KBTBD3: variants seen among roughly 807,000 people sequenced by gnomAD.
The protein encoded by KBTBD3 is kelch repeat and BTB domain-containing protein 3.
Under a neutral mutation model 49.6 loss-of-function variants are expected in KBTBD3, and 38 were observed. The ratio of observed to expected loss-of-function variants is 0.77; its 90% confidence interval spans 0.59 to 1.00. The LOEUF (loss-of-function observed/expected upper bound fraction) is 1.00, where lower values mean the gene tolerates loss of function less well. Among genes scored for constraint, KBTBD3 ranks in the 50% least tolerant of loss-of-function variants. KBTBD3 has a pLI of 0.00. For missense variants in KBTBD3, 661 were observed against 712.0 expected, an observed-to-expected ratio of 0.93 and a Z score of 0.81; for synonymous variants, 214 against 250.4, an observed-to-expected ratio of 0.85 and a Z score of 1.37.
At chr11:106,058,028 T>C (rs991190488) in intron 3 of KBTBD3, 1 of 398,438 alleles carries the variant, frequency 2.5e-6, no homozygotes, top group Non-Finnish European at 4.4e-6. Context: ...CCAGAGAACT[T>C]TGGGAAATGC....
intron 2 of KBTBD3, among the ~76,000 whole-genome samples, chr11:106,069,835 G>C (rs569600092): frequency 6.6e-6 from 1 of 151,836 alleles, no homozygotes; most frequent in African/African-American, 2.4e-5. Flanking sequence ...AATGAGGGAA[G>C]TATCAGTCTA....
chr11:106,066,896 TGAA>T (rs1192079183), intron 2 of KBTBD3, among the ~76,000 whole-genome samples: 1 of 151,972 alleles, frequency 6.6e-6, no homozygotes, highest in Non-Finnish European at 1.5e-5. Flanking sequence ...TACATACATA[TGAA>T]GACAAATAAA....
At chr11:106,073,258 C>CTTTTTTT (rs374062847) in intron 2 of KBTBD3, among the ~76,000 whole-genome samples, 22 of 113,034 alleles carry the variant, frequency 1.9e-4, no homozygotes, top group Admixed American at 3.1e-4. Context: ...GCACACTCAG[C>CTTTTTTT]TTTTTTTTTT....
chr11:106,066,206 C>A (rs1486743913), intron 2 of KBTBD3, among the ~76,000 whole-genome samples: 1 of 152,078 alleles, frequency 6.6e-6, no homozygotes, highest in African/African-American at 2.4e-5. Flanking sequence ...TACTATACAG[C>A]AAAACTTCTA....
intron 2 of KBTBD3, among the ~76,000 whole-genome samples, chr11:106,073,745 G>C (rs551180594): frequency 6.6e-6 from 1 of 152,320 alleles, no homozygotes; most frequent in South Asian, 2.1e-4. Flanking sequence ...AGTGTGGCTG[G>C]AGTAGTTAAT....
At chr11:106,073,605 T>C (rs1221734055) in intron 2 of KBTBD3, among the ~76,000 whole-genome samples, 1 of 152,184 alleles carries the variant, frequency 6.6e-6, no homozygotes, top group Non-Finnish European at 1.5e-5. Context: ...ACTACAATAT[T>C]AGGGAAAGCC....
At position 106,068,097 on chromosome 11, in the gene KBTBD3, T is replaced by A. The variant is rs558698741; in HGVS notation, c.-13+8410A>T. Among the ~76,000 whole-genome samples the A allele has an allele frequency of 4.8e-5, 7 of 147,322 alleles. 1 individual carries two copies. The South Asian group carries it at 1.3e-3, about 28-fold the overall frequency. ...CACCAAATGATAGAGCTGTAAAATA[T>A]GTGAAGCAAAAACTGATAAAACTGA... is the stretch of plus-strand genomic sequence containing the variant. On this transcript the variant is annotated intron_variant, in intron 2 of 3. Coordinates refer to ENST00000531837, the MANE Select transcript of KBTBD3 (RefSeq NM_198439.3).
At chr11:106,069,504 T>C (rs1189566260) in intron 2 of KBTBD3, among the ~76,000 whole-genome samples, 1 of 145,878 alleles carries the variant, frequency 6.9e-6, no homozygotes, top group Non-Finnish European at 1.5e-5. Flanking sequence ...AAAAGTATAA[T>C]AGTTCAAAAA....
In KBTBD3 at chr11:106,051,293, A is replaced by G. The variant is rs1000572140; in HGVS notation, c.*1557T>C. On this transcript the variant is annotated 3_prime_UTR_variant, in exon 4 of 4. Transcript: ENST00000531837. ...TTCAAATACACAAAGTTCAGAGCCA[A>G]CTACTCATGTGCTTAGATAAGAAGG... 5 of 151,942 alleles carry G rather than the reference A, an allele frequency of 3.3e-5. No homozygotes were observed. The highest frequency in any genetic ancestry group is 7.4e-5 in the Non-Finnish European group (5 of 67,874). 9.4% of individuals were successfully genotyped at this position (151,942 alleles called of 1,614,324 possible).
chr11:106,061,103 C>A (rs1024611621), intron 2 of KBTBD3, among the ~76,000 whole-genome samples: 3 of 152,150 alleles, frequency 2.0e-5, no homozygotes, highest in Non-Finnish European at 4.4e-5. Context: ...TTTCTTAATG[C>A]ACCCTCTCCA....
intron 2 of KBTBD3, among the ~76,000 whole-genome samples, chr11:106,064,754 T>C (rs1031071034): frequency 6.6e-6 from 1 of 152,128 alleles, no homozygotes; most frequent in African/African-American, 2.4e-5. Flanking sequence ...AGTCTAGTGA[T>C]GAGCTCGGGC....
intron 3 of KBTBD3, among the ~76,000 whole-genome samples, chr11:106,056,162 T>C (rs924032631): frequency 6.6e-5 from 10 of 152,316 alleles, no homozygotes; most frequent in South Asian, 2.1e-4. Flanking sequence ...TTTGATCATA[T>C]TGTGAATTAG....
At chr11:106,064,894 T>C (rs1191144817) in intron 2 of KBTBD3, among the ~76,000 whole-genome samples, 1 of 152,208 alleles carries the variant, frequency 6.6e-6, no homozygotes, top group African/African-American at 2.4e-5. Flanking sequence ...CACTAAAAGA[T>C]ATGTATTTAA....
At position 106,054,277 on chromosome 11, in the gene KBTBD3, A is replaced by G; in HGVS notation, c.412T>C (p.Ser138Pro). 6.2e-7 allele frequency: 1 copy of G among 1,613,060 alleles called. No homozygotes were observed. The highest frequency in any genetic ancestry group is 1.3e-5 in the African/African-American group (1 of 75,006). The change falls in exon 4 of 4, where the codon TCC (serine) becomes CCC (proline). Residue 138 changes from serine (S) to proline (P), a missense_variant. Physicochemically the swap from Ser to Pro is moderately conservative, Grantham distance 74. Transcript: ENST00000531837. The stretch of plus-strand genomic sequence containing the variant: ...ATTAAAAAGTCACTGCAAGCTTTGG[A>G]TAGGAAGGAAACTTGAAGAAATGAT... ...LSSFLQVSFL[S>P]KACSDFLIKS...
At chr11:106,055,406 T>A (rs1860531294) in intron 3 of KBTBD3, among the ~76,000 whole-genome samples, 1 of 152,178 alleles carries the variant, frequency 6.6e-6, no homozygotes, top group South Asian at 2.1e-4. Flanking sequence ...CCAATTTACT[T>A]ATCAGAGTCT....
intron 2 of KBTBD3, among the ~76,000 whole-genome samples, chr11:106,067,505 G>A (rs192216982): frequency 8.0e-4 from 121 of 152,142 alleles, no homozygotes; most frequent in African/African-American, 2.8e-3. Flanking sequence ...CAGCTACTCA[G>A]GAGGCTGAGG....
chr11:106,058,782 T>C (rs904311386), intron 3 of KBTBD3, 83 bp downstream of exon 3: 4 of 778,870 alleles, frequency 5.1e-6, no homozygotes, highest in Middle Eastern at 2.3e-4. Context: ...TGCATGTTCT[T>C]GTGGGGAAAA....
At position 106,054,418 on chromosome 11, in the gene KBTBD3, C is replaced by T. The variant is rs1860511586; in HGVS notation, c.271G>A (p.Gly91Arg). ...GACAAATTAGTAATGGTAACACTTC[C>T]ATCATCTCTTTCTTTCATGTTTACT... ...FEVNMKERDD[G>R]SVTITNLSSK... is the part of the protein sequence containing the mutation. The change falls in exon 4 of 4, where the codon GGA becomes AGA. Residue 91 changes from glycine (G) to arginine (R), a missense_variant. By Grantham distance (125) the Gly-to-Arg change is moderately radical. Transcript: ENST00000531837. 6.3e-7 allele frequency: 1 copy of T among 1,576,320 alleles called. No individual in the cohort carries two copies. The highest frequency in any genetic ancestry group is 8.6e-7 in the Non-Finnish European group (1 of 1,158,682).
chr11:106,074,844 A>C (rs1212496508), intron 2 of KBTBD3, among the ~76,000 whole-genome samples: 1 of 152,204 alleles, frequency 6.6e-6, no homozygotes, highest in Non-Finnish European at 1.5e-5. Context: ...AGGGAGTCAA[A>C]GAAGAGCAGC....
Sources: gnomAD v4.1 joint callset for allele counts (sites outside exome capture counted in the v4.1 genomes callset) on GRCh38, gnomAD v4.1.1 for gene constraint, MANE v1.5 for transcripts, NCBI Gene and HGNC (gene_info 2026-07-23, HGNC 2026-07-21) for gene names.